Variants in SPART observed in about 807,000 individuals in gnomAD.
SPART encodes the protein spastic paraplegia 20 (Troyer syndrome).
Under a neutral mutation model 58.7 loss-of-function variants are expected in SPART, and 35 were observed. That is an observed-to-expected ratio of 0.60 (90% CI 0.46 to 0.79). The LOEUF (loss-of-function observed/expected upper bound fraction) is 0.79. SPART is among the 30% of genes least tolerant of loss of function. The probability of loss-of-function intolerance (pLI) is 0.00; values close to 1 mark genes in which losing one functional copy is unlikely to be tolerated. For missense variants in SPART, 730 were observed against 786.1 expected, an observed-to-expected ratio of 0.93 and a Z score of 0.85; for synonymous variants, 284 against 280.7, an observed-to-expected ratio of 1.01 and a Z score of -0.12.
intron 1 of SPART, among the ~76,000 whole-genome samples, chr13:36,336,539 T>C (rs1338234970): frequency 1.3e-5 from 2 of 152,144 alleles, no homozygotes; most frequent in Non-Finnish European, 2.9e-5. Context: ...GGCTAAAATT[T>C]AAAAGACTGA....
chr13:36,320,928 G>A lies in SPART; in HGVS notation c.1288+5647C>T, dbSNP rs1161892338. On this transcript the variant is annotated intron_variant, in intron 5 of 8. Coordinates refer to ENST00000438666, the MANE Select transcript of SPART (RefSeq NM_015087.5). ...TCAGTGAAACCTTTATATCCCTTACGGTCCTCCATCTTCAAGAAAAGTAGA... is the reference window on the plus strand; with the variant it reads ...TCAGTGAAACCTTTATATCCCTTACAGTCCTCCATCTTCAAGAAAAGTAGA... 3.9e-5 allele frequency among the ~76,000 whole-genome samples: 6 copies of A among 152,000 alleles called. No homozygotes were observed. In the South Asian group the frequency reaches 6.2e-4, roughly 16 times the overall value.
intron 1 of SPART, among the ~76,000 whole-genome samples, chr13:36,355,431 T>C (rs993086542): frequency 6.6e-6 from 1 of 152,206 alleles, no homozygotes; most frequent in Non-Finnish European, 1.5e-5. Flanking sequence ...ATATCTGTTT[T>C]CAATATCCAC....
Position 36,304,638 on chromosome 13 carries a change from A to G in SPART, c.1734-6T>C, listed in dbSNP as rs750711100. The G allele has an allele frequency of 1.9e-6, 3 of 1,613,432 alleles. No homozygotes were observed. Among genetic ancestry groups the G allele is most frequent in the Non-Finnish European group, 2.5e-6 (3 of 1,179,664 alleles). ...CTCCTGCATTATATCCGTATCTTTAAAAGAAAGATTAGAGGACATACAATG... is the reference window on the plus strand; with the variant it reads ...CTCCTGCATTATATCCGTATCTTTAGAAGAAAGATTAGAGGACATACAATG... On this transcript the variant is annotated splice_region_variant and splice_polypyrimidine_tract_variant and intron_variant, in intron 8 of 8. Coordinates refer to ENST00000438666, the MANE Select transcript of SPART (RefSeq NM_015087.5).
chr13:36,365,390 T>C (rs1886016236), intron 1 of SPART: 1 of 328,318 alleles, frequency 3.0e-6, no homozygotes. Flanking sequence ...TTCTAGCCTA[T>C]AAAATTGGGA....
intron 1 of SPART, among the ~76,000 whole-genome samples, chr13:36,362,812 A>G (rs1002239329): frequency 1.5e-4 from 22 of 151,130 alleles, no homozygotes; most frequent in Non-Finnish European, 2.8e-4. Context: ...TTTAAATGAG[A>G]TTTTGTTCCT....
rs146192210 is a variant in SPART at position 36,335,675 on chromosome 13, G to A, written c.156C>T (p.His52=). 4.5e-5 allele frequency: 72 copies of A among 1,614,034 alleles called. No individual in the cohort carries two copies. The highest frequency in any genetic ancestry group is 2.0e-4 in the African/African-American group (15 of 74,910). Residue 52 remains histidine (H), a synonymous_variant, in exon 2 of 9, where the codon CAC becomes CAT. Transcript: ENST00000438666. ...AKNYYKQGIG[H]LLRGISISSK... ...ATGAAATGCTGATCCCTCTGAGCAG[G>A]TGTCCTATTCCTTGCTTATAGTAGT...
intron 1 of SPART, among the ~76,000 whole-genome samples, chr13:36,361,375 A>G (rs1885853988): frequency 6.6e-6 from 1 of 152,146 alleles, no homozygotes; most frequent in Non-Finnish European, 1.5e-5. Context: ...ATTTTTTTCA[A>G]TCGCTTTGCA....
intron 1 of SPART, 57 bp from the exon 2 acceptor site, chr13:36,335,889 C>T (rs570933824): frequency 1.5e-5 from 20 of 1,322,456 alleles, no homozygotes; most frequent in African/African-American, 1.2e-4. Context: ...ACTTATGATT[C>T]GTATCTCCTA....
At chr13:36,325,060 T>C (rs1882784826) in intron 5 of SPART, among the ~76,000 whole-genome samples, 1 of 152,224 alleles carries the variant, frequency 6.6e-6, no homozygotes. Context: ...TTCAGTTACT[T>C]CAGGCCATCT....
chr13:36,316,181 T>G (rs982815405), intron 5 of SPART, among the ~76,000 whole-genome samples: 1 of 152,232 alleles, frequency 6.6e-6, no homozygotes, highest in Admixed American at 6.5e-5. Context: ...TTGGCAGATA[T>G]TAAAATTCCC....
intron 6 of SPART, chr13:36,312,711 G>T (rs185309400): frequency 8.9e-6 from 5 of 563,860 alleles, no homozygotes; most frequent in Admixed American, 3.1e-5. Context: ...CTGAGTAGCT[G>T]GGACTACAGG....
chr13:36,347,685 C>T (rs1426458494), upstream of SPART, among the ~76,000 whole-genome samples: 1 of 152,122 alleles, frequency 6.6e-6, no homozygotes, highest in Admixed American at 6.5e-5. Context: ...CAAAGGAGTC[C>T]CCAAAGACTA....
At position 36,303,008 on chromosome 13, in the gene SPART, T is replaced by C. The variant is rs1309280971; in HGVS notation, c.*1357A>G. 6.6e-6 allele frequency: 1 copy of C among 152,184 alleles called. No homozygotes were observed. Among genetic ancestry groups the C allele is most frequent in the African/African-American group, 2.4e-5 (1 of 41,444 alleles). 9.4% of individuals were successfully genotyped at this position (152,184 alleles called of 1,614,324 possible). A position where few individuals can be genotyped will look rare whatever the true frequency, so the allele number is the denominator to read the frequency against. On this transcript the variant is annotated 3_prime_UTR_variant, in exon 9 of 9. Transcript: ENST00000438666. The stretch of plus-strand genomic sequence containing the variant: ...GCCATTCCATTTCTTAAACAAAGCA[T>C]AGACTGTCTGTAAGCTATTTACCAC...
At chr13:36,326,394 C>T in intron 5 of SPART, 181 bp downstream of exon 5, 1 of 681,724 alleles carries the variant, frequency 1.5e-6, no homozygotes, top group Non-Finnish European at 2.4e-6. Context: ...AGAATTTATA[C>T]TTATATGACA....
chr13:36,312,825 A>G (rs991689366), intron 6 of SPART, among the ~76,000 whole-genome samples: 3 of 151,922 alleles, frequency 2.0e-5, no homozygotes, highest in African/African-American at 7.3e-5. Context: ...TCAGATATAC[A>G]TGCTCTTGCA....
At chr13:36,327,803 C>T (rs1468864964) in intron 4 of SPART, among the ~76,000 whole-genome samples, 2 of 152,258 alleles carry the variant, frequency 1.3e-5, no homozygotes, top group East Asian at 1.9e-4. Context: ...GCCTGGCCAA[C>T]ATGGTGAAAC....
At chr13:36,313,771 T>A (rs1226132996) in intron 6 of SPART, among the ~76,000 whole-genome samples, 1 of 152,212 alleles carries the variant, frequency 6.6e-6, no homozygotes, top group Non-Finnish European at 1.5e-5. Context: ...TTTAGGTTTG[T>A]GTGAGTACAT....
At chr13:36,353,335 G>A (rs1023870845) in intron 1 of SPART, among the ~76,000 whole-genome samples, 2 of 152,182 alleles carry the variant, frequency 1.3e-5, no homozygotes, top group Non-Finnish European at 2.9e-5. Flanking sequence ...AAGCCCCTGG[G>A]GAGACCCTTG....
chr13:36,355,801 G>T (rs954180439), intron 1 of SPART, among the ~76,000 whole-genome samples: 8 of 151,762 alleles, frequency 5.3e-5, no homozygotes, highest in African/African-American at 1.9e-4. Context: ...TATTAGGTTG[G>T]TGCAAAGGTA....
Sources: allele counts gnomAD v4.1 joint callset (sites outside exome capture counted in the v4.1 genomes callset), GRCh38; gene constraint gnomAD v4.1.1; transcripts MANE v1.5; gene names NCBI Gene and HGNC (gene_info 2026-07-23, HGNC 2026-07-21).